GALNT17: variants seen among roughly 807,000 people sequenced by gnomAD.
GALNT17 encodes polypeptide N-acetylgalactosaminyltransferase 17, also known as UDP-GalNAc:polypeptide N-acetylgalactosaminyltransferase-like 3.
In GALNT17, 29 loss-of-function variants were observed where a neutral mutation model predicts 63.7. That is an observed-to-expected ratio of 0.46 (90% CI 0.34 to 0.62). The LOEUF (loss-of-function observed/expected upper bound fraction) is 0.62. Ranked by LOEUF, GALNT17 falls within the 20% of genes least tolerant of loss-of-function variation. The probability of loss-of-function intolerance (pLI) is 0.01; values close to 1 mark genes in which losing one functional copy is unlikely to be tolerated. For synonymous variants in GALNT17, 305 were observed against 318.3 expected (o/e 0.96, Z 0.45); for missense variants, 603 against 799.6 (o/e 0.75, Z 2.97).
chr7:71,514,149 C>G (rs1007901057), intron 5 of GALNT17, among the ~76,000 whole-genome samples: 7 of 152,124 alleles, frequency 4.6e-5, no homozygotes, highest in African/African-American at 1.7e-4. Flanking sequence ...GAGCTATGAT[C>G]ATGCTACCAC....
In GALNT17 at chr7:71,505,310, C is replaced by T. The variant is rs182589734; in HGVS notation, c.963-65975C>T. The stretch of plus-strand genomic sequence containing the variant: ...ACTTCTCATCCCTCAGAAGTCAGCT[C>T]TCCTGGGGCCAGGCACAGTGGCTCA... On this transcript the variant is annotated intron_variant, in intron 5 of 10. Coordinates refer to ENST00000333538, the MANE Select transcript of GALNT17 (RefSeq NM_022479.3). 8.7e-4 allele frequency among the ~76,000 whole-genome samples: 133 copies of T among 152,236 alleles called. 6 individuals carry two copies. The South Asian group carries it at 0.015, about 17-fold the overall frequency.
At chr7:71,319,123 T>TTTCTTTCTTTCTTTCTTTCC (rs1198269878) in intron 1 of GALNT17, among the ~76,000 whole-genome samples, 1 of 151,532 alleles carries the variant, frequency 6.6e-6, no homozygotes, top group Admixed American at 6.6e-5. Flanking sequence ...TCTTTCTTTC[T>TTTCTTTCTTTCTTTCTTTCC]TTTTTTTGTT....
chr7:71,387,056 T>G (rs1158657715), intron 2 of GALNT17, among the ~76,000 whole-genome samples: 1 of 151,802 alleles, frequency 6.6e-6, no homozygotes, highest in African/African-American at 2.4e-5. Context: ...CGAGTAAGAC[T>G]GGGAGGGAAA....
chr7:71,478,680 T>C (rs1485607349), intron 5 of GALNT17, among the ~76,000 whole-genome samples: 3 of 152,092 alleles, frequency 2.0e-5, no homozygotes, highest in Non-Finnish European at 4.4e-5. Context: ...AGCTAGACCA[T>C]GTCCTGGGAG....
chr7:71,228,003 CG>C, intron 1 of GALNT17, among the ~76,000 whole-genome samples: 1 of 152,098 alleles, frequency 6.6e-6, no homozygotes, highest in Non-Finnish European at 1.5e-5. Flanking sequence ...TAATTCAGCC[CG>C]ATAGAGGAGG....
intron 3 of GALNT17, among the ~76,000 whole-genome samples, chr7:71,394,377 G>C (rs1340401836): frequency 6.6e-6 from 1 of 152,140 alleles, no homozygotes; most frequent in Non-Finnish European, 1.5e-5. Flanking sequence ...CAATATTAGG[G>C]ATCACATTTC....
intron 5 of GALNT17, among the ~76,000 whole-genome samples, chr7:71,506,689 G>A (rs1012600657): frequency 1.3e-5 from 2 of 152,214 alleles, no homozygotes; most frequent in African/African-American, 2.4e-5. Flanking sequence ...AATCAGGGTA[G>A]TTAGCGTGTC....
At chr7:71,653,877 A>G (rs1295589311) in intron 6 of GALNT17, among the ~76,000 whole-genome samples, 2 of 152,154 alleles carry the variant, frequency 1.3e-5, no homozygotes, top group African/African-American at 2.4e-5. Context: ...TTGGGAAGAA[A>G]TTTAGAAACA....
Position 71,166,181 on chromosome 7 carries a change from C to T in GALNT17, c.238+33141C>T, listed in dbSNP as rs1011275565. Among the ~76,000 whole-genome samples, 9 of 152,182 alleles carry T rather than the reference C, an allele frequency of 5.9e-5. No homozygotes were observed. In the South Asian group the frequency reaches 6.2e-4, roughly 10 times the overall value. On this transcript the variant is annotated intron_variant, in intron 1 of 10. Coordinates refer to ENST00000333538, the MANE Select transcript of GALNT17 (RefSeq NM_022479.3). Reference sequence around the variant, plus strand: ...CGCTCAATGTAGAGCAGCCTTGTAGCGCTAAAGGAAAGTTCTCTGTTCAGC... The same window carrying T: ...CGCTCAATGTAGAGCAGCCTTGTAGTGCTAAAGGAAAGTTCTCTGTTCAGC...
intron 8 of GALNT17, among the ~76,000 whole-genome samples, chr7:71,676,266 G>A (rs1791148762): frequency 6.6e-6 from 1 of 152,142 alleles, no homozygotes; most frequent in South Asian, 2.1e-4. Flanking sequence ...CTCCGTGGGT[G>A]CATTCCAAAC....
intron 3 of GALNT17, among the ~76,000 whole-genome samples, chr7:71,395,499 T>A (rs1793122444): frequency 6.6e-6 from 1 of 152,202 alleles, no homozygotes; most frequent in Non-Finnish European, 1.5e-5. Flanking sequence ...TTGATAGACA[T>A]TTGGGTTGTT....
intron 1 of GALNT17, among the ~76,000 whole-genome samples, chr7:71,244,563 C>G (rs1049089165): frequency 1.4e-4 from 22 of 152,130 alleles, no homozygotes; most frequent in Non-Finnish European, 2.9e-4. Flanking sequence ...AAAATGCCAA[C>G]CCCTTAGGCT....
chr7:71,151,374 C>T (rs1788129456), intron 1 of GALNT17, among the ~76,000 whole-genome samples: 1 of 152,124 alleles, frequency 6.6e-6, no homozygotes, highest in Non-Finnish European at 1.5e-5. Context: ...GTAGTCCCAG[C>T]ACTTTGGGAG....
At chr7:71,326,594 A>C in intron 1 of GALNT17, among the ~76,000 whole-genome samples, 1 of 152,230 alleles carries the variant, frequency 6.6e-6, no homozygotes, top group East Asian at 1.9e-4. Flanking sequence ...TAAAATTTTC[A>C]AATATTCTTC....
intron 5 of GALNT17, among the ~76,000 whole-genome samples, chr7:71,562,064 T>C (rs1169058437): frequency 1.3e-5 from 2 of 152,082 alleles, no homozygotes; most frequent in Non-Finnish European, 2.9e-5. Flanking sequence ...CAAGTGATTC[T>C]CCAGCCTCAG....
At chr7:71,448,456 T>C (rs903676980) in intron 5 of GALNT17, among the ~76,000 whole-genome samples, 4 of 152,086 alleles carry the variant, frequency 2.6e-5, no homozygotes, top group African/African-American at 9.7e-5. Flanking sequence ...TGTTTTTCTT[T>C]AATCTCTGAT....
intron 1 of GALNT17, among the ~76,000 whole-genome samples, chr7:71,179,432 T>C (rs1004637539): frequency 5.3e-5 from 8 of 152,250 alleles, no homozygotes; most frequent in African/African-American, 1.9e-4. Context: ...CAGGACCTCC[T>C]GAGGCTGTGT....
intron 1 of GALNT17, among the ~76,000 whole-genome samples, chr7:71,295,768 A>T (rs1286523751): frequency 9.9e-5 from 15 of 151,548 alleles, no homozygotes; most frequent in Admixed American, 9.2e-4. Context: ...CTGGCCAATT[A>T]AAAAAAATTA....
rs1035715197 is a variant in GALNT17, at chr7:71,445,846, G to T, written c.962+24741G>T. On this transcript the variant is annotated intron_variant, in intron 5 of 10. Transcript: ENST00000333538. Reference sequence around the variant, plus strand: ...TGCCTCTGCACACTCAGCTTTAGCTGTGATGACAGGAGAGAGTCCTAAGTG... The same window carrying T: ...TGCCTCTGCACACTCAGCTTTAGCTTTGATGACAGGAGAGAGTCCTAAGTG... Among the ~76,000 whole-genome samples the T allele has an allele frequency of 8.6e-5, 13 of 151,468 alleles. No individual in the cohort carries two copies. In the South Asian group the frequency reaches 2.7e-3, roughly 32 times the overall value.
Sources: gnomAD v4.1 joint callset for allele counts (sites outside exome capture counted in the v4.1 genomes callset) on GRCh38, gnomAD v4.1.1 for gene constraint, MANE v1.5 for transcripts, NCBI Gene and HGNC (gene_info 2026-07-23, HGNC 2026-07-21) for gene names.